The following LPCAT2 variants were observed in gnomAD, a reference collection of about 807,000 sequenced individuals.
LPCAT2 encodes lysophosphatidylcholine acyltransferase 2.
Under a neutral mutation model 64.7 loss-of-function variants are expected in LPCAT2, and 58 were observed. The observed-to-expected ratio is 0.90, with a 90% CI of 0.73 to 1.12. The LOEUF is 1.12. Ranked by LOEUF, LPCAT2 falls within the 50% of genes most tolerant of loss-of-function variation. The probability of loss-of-function intolerance (pLI) is 0.00; values close to 1 mark genes in which losing one functional copy is unlikely to be tolerated. For synonymous variants in LPCAT2, 252 were observed against 245.3 expected, an observed-to-expected ratio of 1.03 and a Z score of -0.26; for missense variants, 579 against 669.8, an observed-to-expected ratio of 0.86 and a Z score of 1.50.
At chr16:55,557,575 A>G (rs1191971315) in intron 11 of LPCAT2, among the ~76,000 whole-genome samples, 1 of 152,168 alleles carries the variant, frequency 6.6e-6, no homozygotes, top group Non-Finnish European at 1.5e-5. Flanking sequence ...AGAAAAGGTA[A>G]GGTGTCCCTG....
intron 1 of LPCAT2, 129 bp from the exon 2 acceptor site, chr16:55,525,379 G>A: frequency 2.9e-6 from 2 of 684,910 alleles, no homozygotes; most frequent in Non-Finnish European, 4.9e-6. Flanking sequence ...GTCTGGTACA[G>A]GCTAGTAGTC....
intron 1 of LPCAT2, among the ~76,000 whole-genome samples, chr16:55,513,840 T>G (rs571799008): frequency 2.0e-5 from 3 of 152,290 alleles, no homozygotes; most frequent in African/African-American, 7.2e-5. Context: ...TTGGGAAGAC[T>G]GTCTTTATTT....
chr16:55,580,377 C>A (rs1963875304), intron 13 of LPCAT2, among the ~76,000 whole-genome samples: 1 of 152,138 alleles, frequency 6.6e-6, no homozygotes, highest in Non-Finnish European at 1.5e-5. Context: ...CTCCAAACTA[C>A]TAAATTTTGA....
chr16:55,532,182 C>G (rs576115747), intron 5 of LPCAT2: 1 of 495,680 alleles, frequency 2.0e-6, no homozygotes, highest in East Asian at 3.3e-5. Context: ...AGTGTCCACT[C>G]CATGCATGTG....
intron 2 of LPCAT2, among the ~76,000 whole-genome samples, chr16:55,526,337 G>A (rs1252400137): frequency 6.6e-6 from 1 of 152,106 alleles, no homozygotes; most frequent in African/African-American, 2.4e-5. Flanking sequence ...TAAAAGTGCA[G>A]CCTCTTATGT....
chr16:55,530,854 G>T (rs1467239134), intron 4 of LPCAT2, among the ~76,000 whole-genome samples: 1 of 152,080 alleles, frequency 6.6e-6, no homozygotes, highest in African/African-American at 2.4e-5. Flanking sequence ...TTTCTGTCCA[G>T]AAGTGGAATG....
At chr16:55,510,758 T>C (rs546686673) in intron 1 of LPCAT2, among the ~76,000 whole-genome samples, 1 of 152,350 alleles carries the variant, frequency 6.6e-6, no homozygotes, top group South Asian at 2.1e-4. Flanking sequence ...TCTTTTTGTG[T>C]CTTCACATTC....
At chr16:55,578,536 C>G (rs575407456) in intron 12 of LPCAT2, among the ~76,000 whole-genome samples, 102 of 152,150 alleles carry the variant, frequency 6.7e-4, no homozygotes, top group Non-Finnish European at 1.4e-3. Context: ...TCCTGCTTCT[C>G]AAACCCAGAC....
At chr16:55,542,191 C>T (rs1381841670) in intron 8 of LPCAT2, among the ~76,000 whole-genome samples, 2 of 152,034 alleles carry the variant, frequency 1.3e-5, no homozygotes, top group African/African-American at 4.8e-5. Context: ...TTATATATTG[C>T]TTGTATGCTA....
intron 11 of LPCAT2, among the ~76,000 whole-genome samples, chr16:55,569,242 T>A (rs1963743005): frequency 2.0e-5 from 3 of 152,150 alleles, no homozygotes. Flanking sequence ...ACCACACACA[T>A]ATAATTCTGA....
At chr16:55,534,619 C>G (rs1030537830) in intron 7 of LPCAT2, 142 bp downstream of exon 7, 2 of 445,002 alleles carry the variant, frequency 4.5e-6, no homozygotes, top group Admixed American at 4.0e-5. Flanking sequence ...GATCAGAGCC[C>G]TAAGTCTTAT....
intron 1 of LPCAT2, among the ~76,000 whole-genome samples, chr16:55,510,893 A>G (rs1004532048): frequency 6.6e-6 from 1 of 152,218 alleles, no homozygotes. Context: ...ACAGCATGGA[A>G]TGTTGACAAA....
At chr16:55,551,655 TAC>T (rs1963519429) in intron 11 of LPCAT2, among the ~76,000 whole-genome samples, 1 of 152,236 alleles carries the variant, frequency 6.6e-6, no homozygotes, top group South Asian at 2.1e-4. Flanking sequence ...ATATTAGGGA[TAC>T]AGTTTGCTGC....
chr16:55,550,827 T>G (rs1454069029), intron 10 of LPCAT2, 122 bp from the exon 11 acceptor site: 2 of 757,538 alleles, frequency 2.6e-6, no homozygotes, highest in Admixed American at 6.1e-5. Context: ...TTTATTCTCC[T>G]TTACAAATTT....
At chr16:55,580,428 A>G (rs1175114781) in intron 13 of LPCAT2, among the ~76,000 whole-genome samples, 1 of 152,216 alleles carries the variant, frequency 6.6e-6, no homozygotes, top group Non-Finnish European at 1.5e-5. Context: ...AGCTAATACT[A>G]AAAATGATTT....
rs529079551 is a variant in LPCAT2, at chr16:55,567,001, G to A, written c.1216-7630G>A. 36 of 1,613,750 alleles carry A rather than the reference G, an allele frequency of 2.2e-5. No homozygotes were observed. In the Middle Eastern group the frequency reaches 4.9e-4, roughly 22 times the overall value. ...GAAAGTGAGGAAGTTAGGCGATTTC[G>A]GCAACAATTTACACAGCTGGCTGGA... is the stretch of plus-strand genomic sequence containing the variant. On this transcript the variant is annotated intron_variant, in intron 11 of 13. Transcript: ENST00000262134.
intron 11 of LPCAT2, among the ~76,000 whole-genome samples, chr16:55,557,938 T>C (rs1386240279): frequency 1.3e-5 from 2 of 152,212 alleles, no homozygotes; most frequent in African/African-American, 4.8e-5. Flanking sequence ...AAAAATGTGG[T>C]ATTCATGATC....
chr16:55,582,846 T>A (rs1401120790), intron 13 of LPCAT2, 68 bp from the exon 14 acceptor site: 1 of 1,007,086 alleles, frequency 9.9e-7, no homozygotes, highest in African/African-American at 1.6e-5. Context: ...TAGAGTCATT[T>A]ATTAATCTGC....
intron 8 of LPCAT2, among the ~76,000 whole-genome samples, chr16:55,545,023 C>G (rs1001054535): frequency 6.6e-6 from 1 of 152,072 alleles, no homozygotes; most frequent in Non-Finnish European, 1.5e-5. Flanking sequence ...TTAATCTTGC[C>G]TGGTATATAG....
Sources: gnomAD v4.1 joint callset for allele counts (sites outside exome capture counted in the v4.1 genomes callset) on GRCh38, gnomAD v4.1.1 for gene constraint, MANE v1.5 for transcripts, NCBI Gene and HGNC (gene_info 2026-07-23, HGNC 2026-07-21) for gene names.